The following PYY variants were observed in gnomAD, a reference collection of about 807,000 sequenced individuals.
The protein encoded by PYY is peptide YY.
PYY carries 12 observed loss-of-function variants against 10.3 expected under a neutral mutation model. That is an observed-to-expected ratio of 1.17 (90% CI 0.75 to 1.89). The LOEUF (loss-of-function observed/expected upper bound fraction) is 1.89. Ranked by LOEUF, PYY falls within the 40% of genes most tolerant of loss-of-function variation. The pLI, the probability that PYY is intolerant of heterozygous loss-of-function variation, is 0.00. For missense variants in PYY, 141 were observed against 134.0 expected (o/e 1.05, Z -0.26); for synonymous variants, 66 against 62.0 (o/e 1.06, Z -0.30).
chr17:44,000,212 C>T (rs966603109), intron 1 of PYY, among the ~76,000 whole-genome samples: 1 of 152,074 alleles, frequency 6.6e-6, no homozygotes, highest in Admixed American at 6.6e-5. Flanking sequence ...TGAGACCAGG[C>T]GTCGAGGTTG....
At chr17:44,000,932 G>A (rs1478726531) in intron 1 of PYY, among the ~76,000 whole-genome samples, 1 of 152,228 alleles carries the variant, frequency 6.6e-6, no homozygotes, top group East Asian at 1.9e-4. Context: ...GGTGTACAGG[G>A]GCATTCCTCT....
chr17:43,986,671 A>C (rs909815713), intron 1 of PYY, among the ~76,000 whole-genome samples: 2 of 152,164 alleles, frequency 1.3e-5, no homozygotes, highest in Non-Finnish European at 2.9e-5. Flanking sequence ...ATATTGGGGA[A>C]AAAAACACAG....
At chr17:43,989,102 C>T (rs906583779) in intron 1 of PYY, among the ~76,000 whole-genome samples, 41 of 146,700 alleles carry the variant, frequency 2.8e-4, no homozygotes, top group African/African-American at 4.4e-4. Flanking sequence ...AGGCTGGGCG[C>T]GGTGGCTCAC....
chr17:43,977,721 G>C (rs960545259), intron 1 of PYY, among the ~76,000 whole-genome samples: 11 of 152,092 alleles, frequency 7.2e-5, no homozygotes, highest in African/African-American at 1.2e-4. Flanking sequence ...TTCCCACTTA[G>C]AGTCCCCACT....
intron 1 of PYY, among the ~76,000 whole-genome samples, chr17:43,974,326 A>C (rs1381154259): frequency 6.6e-6 from 1 of 151,640 alleles, no homozygotes; most frequent in East Asian, 1.9e-4. Flanking sequence ...CCCCTTTACT[A>C]GTAGAGGGTG....
chr17:43,991,353 C>T (rs1352179991), intron 1 of PYY, among the ~76,000 whole-genome samples: 1 of 152,092 alleles, frequency 6.6e-6, no homozygotes, highest in Admixed American at 6.5e-5. Context: ...AACACTTGAA[C>T]CCAGGAGGGA....
At chr17:43,995,971 T>C (rs776788018) in intron 1 of PYY, among the ~76,000 whole-genome samples, 31 of 151,744 alleles carry the variant, frequency 2.0e-4, no homozygotes, top group Non-Finnish European at 4.3e-4. Context: ...CTGGGCAACA[T>C]AGCAAAACTC....
intron 1 of PYY, among the ~76,000 whole-genome samples, chr17:43,997,617 T>A (rs2048999764): frequency 6.6e-6 from 1 of 151,404 alleles, no homozygotes; most frequent in Non-Finnish European, 1.5e-5. Context: ...GCCATGAGAG[T>A]TCAGAACAGA....
Position 43,952,743 on chromosome 17 carries a change from G to A in PYY, c.*213C>T. On this transcript the variant is annotated 3_prime_UTR_variant, in exon 4 of 4. Transcript: ENST00000692052. The stretch of plus-strand genomic sequence containing the variant: ...ATACAAAGGCATACATTCCGTTTCT[G>A]TGGAATTTGCTCTTTATTTTGGGAC... 2.0e-6 allele frequency: 1 copy of A among 492,448 alleles called. No individual in the cohort carries two copies. The highest frequency in any genetic ancestry group is 3.5e-6 in the Non-Finnish European group (1 of 283,724). 30.5% of individuals were successfully genotyped at this position (492,448 alleles called of 1,614,324 possible). A position where few individuals can be genotyped will look rare whatever the true frequency, so the allele number is the denominator to read the frequency against.
intron 1 of PYY, among the ~76,000 whole-genome samples, chr17:43,983,357 T>G (rs2048895341): frequency 6.6e-6 from 1 of 152,204 alleles, no homozygotes; most frequent in Non-Finnish European, 1.5e-5. Context: ...AAAGGGGTGC[T>G]GGGTGGCCCT....
At chr17:43,974,180 T>A (rs774802630) in intron 1 of PYY, among the ~76,000 whole-genome samples, 30 of 152,226 alleles carry the variant, frequency 2.0e-4, no homozygotes, top group Non-Finnish European at 3.8e-4. Context: ...ATAAAGGTTG[T>A]TTACCCTTAA....
At chr17:43,970,048 T>G (rs1023456150) in intron 1 of PYY, among the ~76,000 whole-genome samples, 2 of 151,714 alleles carry the variant, frequency 1.3e-5, no homozygotes, top group African/African-American at 4.8e-5. Flanking sequence ...AGCCAAAAGT[T>G]TTTTTAATTT....
At chr17:43,983,697 C>T (rs923388605) in intron 1 of PYY, among the ~76,000 whole-genome samples, 1 of 152,228 alleles carries the variant, frequency 6.6e-6, no homozygotes, top group Non-Finnish European at 1.5e-5. Context: ...GGGGCCGGGT[C>T]TTAGGCGCAC....
chr17:43,955,053 C>T (rs1245121290), upstream of PYY, among the ~76,000 whole-genome samples: 1 of 152,200 alleles, frequency 6.6e-6, no homozygotes, highest in East Asian at 1.9e-4. Context: ...GGCAGAAAGG[C>T]TCAGCACCTG....
At chr17:43,969,354 A>G (rs2048774362) in intron 1 of PYY, among the ~76,000 whole-genome samples, 1 of 151,668 alleles carries the variant, frequency 6.6e-6, no homozygotes, top group Non-Finnish European at 1.5e-5. Context: ...TGTCTCTACT[A>G]AAAATACAAA....
intron 1 of PYY, among the ~76,000 whole-genome samples, chr17:43,979,395 C>T (rs1297231398): frequency 3.3e-5 from 5 of 152,098 alleles, no homozygotes; most frequent in African/African-American, 7.2e-5. Context: ...AATCTCAAAC[C>T]GATAAAACAT....
chr17:43,952,889 G>A lies in PYY; in HGVS notation c.*67C>T. ...CGGGAGGCAGAATCCGGGTTTCTGG[G>A]GTCGGGAGTGCGTATGCAAATGACG... On this transcript the variant is annotated 3_prime_UTR_variant, in exon 4 of 4. Coordinates refer to ENST00000692052, the MANE Select transcript of PYY (RefSeq NM_001394028.1). The A allele has an allele frequency of 6.8e-7, 1 of 1,475,840 alleles. No homozygotes were observed. The highest frequency in any genetic ancestry group is 9.1e-7 in the Non-Finnish European group (1 of 1,104,964). The allele number at this position is 1,475,840 out of a possible 1,614,324, so 91.4% of individuals were successfully genotyped here. A position where few individuals can be genotyped will look rare whatever the true frequency, so the allele number is the denominator to read the frequency against.
intron 1 of PYY, among the ~76,000 whole-genome samples, chr17:43,998,896 A>G (rs1012954438): frequency 1.3e-5 from 2 of 152,204 alleles, no homozygotes; most frequent in African/African-American, 2.4e-5. Flanking sequence ...TATTAGGTCC[A>G]AGGGGTCGAG....
upstream of PYY, among the ~76,000 whole-genome samples, chr17:43,955,251 C>T (rs2048664591): frequency 6.6e-6 from 1 of 152,224 alleles, no homozygotes; most frequent in Non-Finnish European, 1.5e-5. Flanking sequence ...CCAGCTTCCT[C>T]TCCCTGGCCT....
Sources: allele counts gnomAD v4.1 joint callset (sites outside exome capture counted in the v4.1 genomes callset), GRCh38; gene constraint gnomAD v4.1.1; transcripts MANE v1.5; gene names NCBI Gene and HGNC (gene_info 2026-07-23, HGNC 2026-07-21).